The following KIRREL2 variants were observed in gnomAD, a reference collection of about 807,000 sequenced individuals.
KIRREL2 encodes the protein kin of IRRE-like protein 2.
In KIRREL2, 56 loss-of-function variants were observed where a neutral mutation model predicts 73.4. That is an observed-to-expected ratio of 0.76 (90% CI 0.62 to 0.95). The LOEUF (loss-of-function observed/expected upper bound fraction) is 0.95. KIRREL2 is among the 40% of genes least tolerant of loss of function. The pLI, the probability that KIRREL2 is intolerant of heterozygous loss-of-function variation, is 0.00. For synonymous variants in KIRREL2, 407 were observed against 404.0 expected (o/e 1.01, Z -0.09); for missense variants, 896 against 935.0 (o/e 0.96, Z 0.54).
Position 35,860,927 on chromosome 19 carries a change from C to T in KIRREL2, c.947C>T (p.Ala316Val). 1.9e-6 allele frequency: 3 copies of T among 1,613,856 alleles called. No individual in the cohort carries two copies. The highest frequency in any genetic ancestry group is 2.5e-6 in the Non-Finnish European group (3 of 1,179,958). ...CGTCCAGTTGGGCCGATTCTGCAGG[C>T]AAAGCCGGAGCCCGTGTCCGTGGAC... ...LDVLFGPILQ[A>V]KPEPVSVDVG... Residue 316 changes from alanine (A) to valine (V), a missense_variant, in exon 8 of 15, where the codon GCA becomes GTA. Physicochemically the swap from Ala to Val is moderately conservative, Grantham distance 64. Coordinates refer to ENST00000360202, the MANE Select transcript of KIRREL2 (RefSeq NM_199180.4).
Position 35,861,137 on chromosome 19 carries a change from GC to G in KIRREL2, c.1074del (p.Thr359HisfsTer35), listed in dbSNP as rs1210451261. 1 of 1,602,002 alleles carries G rather than the reference GC, an allele frequency of 6.2e-7. No individual in the cohort carries two copies. Among genetic ancestry groups the G allele is most frequent in the African/African-American group, 1.3e-5 (1 of 74,434 alleles). On this transcript the variant is annotated frameshift_variant, in exon 9 of 15. Coordinates refer to ENST00000360202, the MANE Select transcript of KIRREL2 (RefSeq NM_199180.4). LOFTEE classifies it high-confidence loss of function. ...RGGAQVLGSG[A>X]TLRLPSVGPE... ...CCTGTCGCAGGTGCTGGGCTCTGGA[GC>G]CACACTGCGTCTTCCGTCGGTGGGG...
At chr19:35,863,461 C>CT (rs111603435) in intron 13 of KIRREL2, among the ~76,000 whole-genome samples, 342 of 129,446 alleles carry the variant, frequency 2.6e-3, no homozygotes, top group East Asian at 7.3e-3. Flanking sequence ...GGGCTCTAGT[C>CT]TTTTTTTTTT....
chr19:35,854,551 G>T (rs548561179), upstream of KIRREL2, among the ~76,000 whole-genome samples: 1 of 152,250 alleles, frequency 6.6e-6, no homozygotes, highest in South Asian at 2.1e-4. Flanking sequence ...TCGAACTCCT[G>T]ACCTCAGGTG....
intron 9 of KIRREL2, 106 bp from the exon 10 acceptor site, chr19:35,861,435 T>A (rs972925150): frequency 1.4e-6 from 2 of 1,452,968 alleles, no homozygotes; most frequent in Non-Finnish European, 1.9e-6. Flanking sequence ...CGGCGTGGCC[T>A]GATTGATTGA....
At chr19:35,855,778 G>C (rs1390989901), upstream of KIRREL2, 2 of 152,470 alleles carry the variant, frequency 1.3e-5, no homozygotes, top group Admixed American at 6.6e-5. Flanking sequence ...TGGGGGTGGG[G>C]AGAGATTGGC....
intron 7 of KIRREL2, 65 bp downstream of exon 7, chr19:35,860,732 CG>C (rs1047516922): frequency 2.6e-5 from 41 of 1,591,534 alleles, no homozygotes; most frequent in East Asian, 1.6e-4. Context: ...TGTTGAGGGT[CG>C]GGGCCTGGAG....
chr19:35,860,397 C>T lies in KIRREL2; in HGVS notation c.774C>T (p.Gly258=). Residue 258 remains glycine, a synonymous_variant, in exon 6 of 15, where the codon GGC becomes GGT. Transcript: ENST00000360202. ...CCACAGCCCAGCCTCCTGTCACAGG[C>T]TACAGGTGAGGACGAAGACCCACCT... ...CQATAQPPVT[G]YRWAKGGSPV... The T allele has an allele frequency of 6.2e-7, 1 of 1,612,944 alleles. No homozygotes were observed. Among genetic ancestry groups the T allele is most frequent in the South Asian group, 1.1e-5 (1 of 91,052 alleles).
At position 35,862,558 on chromosome 19, in the gene KIRREL2, A is replaced by T; in HGVS notation, c.1576A>T (p.Ile526Phe). 1 of 1,610,248 alleles carries T rather than the reference A, an allele frequency of 6.2e-7. No homozygotes were observed. The highest frequency in any genetic ancestry group is 8.5e-7 in the Non-Finnish European group (1 of 1,179,988). The change falls in exon 12 of 15, where the codon ATC (isoleucine) becomes TTC (phenylalanine). Residue 526 changes from isoleucine to phenylalanine, a missense_variant. Ile to Phe is a conservative substitution (Grantham distance 21). Transcript: ENST00000360202. ...TGCCACCACAACTCTCCTTATGGTC[A>T]TCACTGGGGTGGCCCTCTGCTGCTG... The part of the protein sequence containing the change: ...AAATTTLLMV[I>F]TGVALCCWRH...
rs770413710 is a variant in KIRREL2 at position 35,862,968 on chromosome 19, C to G, written c.1657C>G (p.Pro553Ala). The part of the protein sequence containing the change: ...FSEQKNLMRI[P>A]GSSDGSSSRG... ...CGAGCAAAAGAACCTGATGCGAATC[C>G]CTGGCAGCAGCGACGGCTCCAGTTC... The change falls in exon 13 of 15, where the codon CCT becomes GCT. Residue 553 changes from proline to alanine, a missense_variant. By Grantham distance (27) the Pro-to-Ala change is conservative. Coordinates refer to ENST00000360202, the MANE Select transcript of KIRREL2 (RefSeq NM_199180.4). 1.9e-5 allele frequency: 31 copies of G among 1,591,718 alleles called. No individual in the cohort carries two copies. Among genetic ancestry groups the G allele is most frequent in the Middle Eastern group, 3.3e-4 (2 of 6,034 alleles).
Position 35,861,924 on chromosome 19 carries a change from C to G in KIRREL2, c.1410C>G (p.His470Gln). 1 of 1,612,322 alleles carries G rather than the reference C, an allele frequency of 6.2e-7. No individual in the cohort carries two copies. The highest frequency in any genetic ancestry group is 8.5e-7 in the Non-Finnish European group (1 of 1,179,380). Residue 470 changes from histidine to glutamine, a missense_variant, in exon 11 of 15, where the codon CAC becomes CAG. His to Gln is a conservative substitution (Grantham distance 24). Coordinates refer to ENST00000360202, the MANE Select transcript of KIRREL2 (RefSeq NM_199180.4). The stretch of plus-strand genomic sequence containing the variant: ...GTCCGGGCCTGATCTCTGTGCTACA[C>G]ATTTCGGGGACCCAGGAGTCTGACT... The part of the protein sequence containing the change: ...GLGPGLISVL[H>Q]ISGTQESDFS...
chr19:35,853,313 C>G (rs1973325382), upstream of KIRREL2, among the ~76,000 whole-genome samples: 1 of 152,090 alleles, frequency 6.6e-6, no homozygotes, highest in Admixed American at 6.6e-5. Flanking sequence ...TGGGAGTGCA[C>G]AGGGTGTGGG....
At position 35,858,574 on chromosome 19, in the gene KIRREL2, C is replaced by G. The variant is rs750424680; in HGVS notation, c.361+17C>G. On this transcript the variant is annotated intron_variant, in intron 3 of 14. Coordinates refer to ENST00000360202, the MANE Select transcript of KIRREL2 (RefSeq NM_199180.4). ...ACGTGCTGGGTAAGGACCTCGCCCA[C>G]TTGTCCCCTGGGAGCCCAAGAGGGC... The G allele has an allele frequency of 6.2e-7, 1 of 1,613,516 alleles. No homozygotes were observed. The highest frequency in any genetic ancestry group is 8.5e-7 in the Non-Finnish European group (1 of 1,179,520).
In KIRREL2 at chr19:35,857,427, C is replaced by G. The variant is rs138459462; in HGVS notation, c.144C>G (p.Gly48=). 1,389 of 1,612,774 alleles carry G rather than the reference C, an allele frequency of 8.6e-4. 11 individuals carry two copies. In the African/African-American group the frequency reaches 0.016, roughly 19 times the overall value. The part of the protein sequence containing the change: ...GEEARLPCAL[G]AYWGLVQWTK... ...AAGCCCGGCTGCCGTGTGCTCTGGG[C>G]GCCTACTGGGGGCTAGTTCAGTGGA... The change falls in exon 2 of 15, where the codon GGC becomes GGG. Residue 48 remains glycine (G), a synonymous_variant. Transcript: ENST00000360202.
chr19:35,862,639 C>A, intron 12 of KIRREL2, 42 bp downstream of exon 12: 1 of 1,438,304 alleles, frequency 7.0e-7, no homozygotes, highest in Non-Finnish European at 9.7e-7. Context: ...GGCCCCAGCC[C>A]CACACGCGCC....
chr19:35,851,871 C>T (rs772015802), upstream of KIRREL2: 74 of 1,542,256 alleles, frequency 4.8e-5, no homozygotes, highest in Admixed American at 7.5e-4. Context: ...CCACAGCGCC[C>T]GCTGCCAGCC....
chr19:35,851,885 T>C, upstream of KIRREL2: 3 of 1,508,282 alleles, frequency 2.0e-6, no homozygotes, highest in Non-Finnish European at 2.7e-6. Flanking sequence ...GCCAGCCACC[T>C]GCGTCTGTCT....
upstream of KIRREL2, among the ~76,000 whole-genome samples, chr19:35,853,247 G>A (rs1190726092): frequency 2.0e-5 from 3 of 152,186 alleles, no homozygotes; most frequent in Non-Finnish European, 4.4e-5. Flanking sequence ...GAAGGTTAGA[G>A]TGAACTGCGA....
intron 12 of KIRREL2, 123 bp from the exon 13 acceptor site, chr19:35,862,804 T>C (rs972272244): frequency 2.8e-6 from 2 of 710,564 alleles, no homozygotes; most frequent in Non-Finnish European, 4.9e-6. Context: ...ATGATTCTTA[T>C]TGGTTTCCAA....
Position 35,861,530 on chromosome 19 carries a change from C to T in KIRREL2, c.1190-11C>T. 2 of 1,613,218 alleles carry T rather than the reference C, an allele frequency of 1.2e-6. No individual in the cohort carries two copies. The highest frequency in any genetic ancestry group is 1.7e-6 in the Non-Finnish European group (2 of 1,179,364). Reference sequence around the variant, plus strand: ...ACCTCTCCTCTGAGTGACCTACAGTCTCCATCCCAGCTCCCCCAGTAGTGA... The same window carrying T: ...ACCTCTCCTCTGAGTGACCTACAGTTTCCATCCCAGCTCCCCCAGTAGTGA... On this transcript the variant is annotated splice_polypyrimidine_tract_variant and intron_variant, in intron 9 of 14. Transcript: ENST00000360202.
Sources: allele counts gnomAD v4.1 joint callset (sites outside exome capture counted in the v4.1 genomes callset), GRCh38; gene constraint gnomAD v4.1.1; transcripts MANE v1.5; gene names NCBI Gene and HGNC (gene_info 2026-07-23, HGNC 2026-07-21).